IPCEF1: variants seen among roughly 807,000 people sequenced by gnomAD.
IPCEF1 encodes the protein interaction protein for cytohesin exchange factors 1.
Under a neutral mutation model 50.9 loss-of-function variants are expected in IPCEF1, and 31 were observed. That is an observed-to-expected ratio of 0.61 (90% CI 0.46 to 0.82). The LOEUF (loss-of-function observed/expected upper bound fraction) is 0.82. Ranked by LOEUF, IPCEF1 falls within the 40% of genes least tolerant of loss-of-function variation. The probability of loss-of-function intolerance (pLI) is 0.00; values close to 1 mark genes in which losing one functional copy is unlikely to be tolerated. For synonymous variants in IPCEF1, 181 were observed against 192.0 expected (o/e 0.94, Z 0.47); for missense variants, 458 against 514.0 (o/e 0.89, Z 1.05).
At chr6:154,169,372 C>A (rs1321090172) in intron 10 of IPCEF1, among the ~76,000 whole-genome samples, 4 of 152,058 alleles carry the variant, frequency 2.6e-5, no homozygotes, top group African/African-American at 9.7e-5. Context: ...CACACACACA[C>A]AAAATATCAT....
At chr6:154,176,435 G>C (rs1190843713) in intron 10 of IPCEF1, among the ~76,000 whole-genome samples, 1 of 152,030 alleles carries the variant, frequency 6.6e-6, no homozygotes, top group Admixed American at 6.6e-5. Flanking sequence ...CATCATCTCA[G>C]CCCAAAATCT....
At chr6:154,243,683 T>G (rs1277484601) in intron 5 of IPCEF1, among the ~76,000 whole-genome samples, 2 of 152,228 alleles carry the variant, frequency 1.3e-5, no homozygotes, top group African/African-American at 2.4e-5. Flanking sequence ...CAGGGTGGTC[T>G]TAATTGTGTC....
At chr6:154,327,856 G>A (rs1783559442) in intron 1 of IPCEF1, among the ~76,000 whole-genome samples, 1 of 152,196 alleles carries the variant, frequency 6.6e-6, no homozygotes, top group East Asian at 1.9e-4. Context: ...TAAAGAAAAT[G>A]TGGTCCATAT....
At chr6:154,202,425 C>T (rs372112195) in intron 9 of IPCEF1, among the ~76,000 whole-genome samples, 12 of 152,122 alleles carry the variant, frequency 7.9e-5, no homozygotes, top group Admixed American at 5.9e-4. Context: ...ATAGTTTACT[C>T]GTTAGCAGGA....
chr6:154,229,102 C>G (rs1024015602), intron 5 of IPCEF1, among the ~76,000 whole-genome samples: 1 of 152,192 alleles, frequency 6.6e-6, no homozygotes, highest in Non-Finnish European at 1.5e-5. Flanking sequence ...CAGGGGCGGC[C>G]CTCCCTTACA....
chr6:154,291,829 T>C (rs1175894240), intron 1 of IPCEF1, among the ~76,000 whole-genome samples: 3 of 151,742 alleles, frequency 2.0e-5, no homozygotes, highest in Non-Finnish European at 4.4e-5. Flanking sequence ...GGACTACAGG[T>C]GCCCACCACC....
intron 1 of IPCEF1, among the ~76,000 whole-genome samples, chr6:154,294,115 T>C (rs1037523847): frequency 6.6e-6 from 1 of 152,196 alleles, no homozygotes; most frequent in Non-Finnish European, 1.5e-5. Flanking sequence ...CTCCTAATTG[T>C]TATTAGTTAT....
At chr6:154,317,289 C>A (rs1488553034) in intron 1 of IPCEF1, among the ~76,000 whole-genome samples, 1 of 152,048 alleles carries the variant, frequency 6.6e-6, no homozygotes, top group African/African-American at 2.4e-5. Flanking sequence ...ATGGCTCACG[C>A]TTGTAATCCC....
chr6:154,308,569 T>C (rs1240517683), intron 1 of IPCEF1, among the ~76,000 whole-genome samples: 1 of 152,214 alleles, frequency 6.6e-6, no homozygotes, highest in East Asian at 1.9e-4. Context: ...TATATTAATT[T>C]CAGACATCCT....
At chr6:154,226,900 A>G (rs1216758612) in intron 5 of IPCEF1, among the ~76,000 whole-genome samples, 2 of 152,168 alleles carry the variant, frequency 1.3e-5, no homozygotes, top group African/African-American at 4.8e-5. Context: ...AAAACAAAGA[A>G]AAAACAATAC....
chr6:154,269,263 C>T (rs1177042388), intron 2 of IPCEF1, among the ~76,000 whole-genome samples: 2 of 152,254 alleles, frequency 1.3e-5, no homozygotes, highest in East Asian at 3.9e-4. Context: ...CATTAGAAAG[C>T]TCCTTCCCAA....
At chr6:154,274,580 A>G (rs1438931214) in intron 2 of IPCEF1, among the ~76,000 whole-genome samples, 1 of 152,226 alleles carries the variant, frequency 6.6e-6, no homozygotes, top group Non-Finnish European at 1.5e-5. Flanking sequence ...CCAAATGCCA[A>G]TGGCTATTGG....
intron 1 of IPCEF1, among the ~76,000 whole-genome samples, chr6:154,348,133 G>T (rs1334359300): frequency 3.9e-5 from 6 of 152,048 alleles, no homozygotes; most frequent in African/African-American, 1.4e-4. Flanking sequence ...TCCTCTCAAG[G>T]CAACTAATTT....
At chr6:154,315,832 TG>T (rs570496628) in intron 1 of IPCEF1, among the ~76,000 whole-genome samples, 1 of 147,354 alleles carries the variant, frequency 6.8e-6, no homozygotes, top group Non-Finnish European at 1.5e-5. Context: ...CAATTTTTTT[TG>T]GGGGGGAGCG....
At chr6:154,291,777 T>C (rs993786916) in intron 1 of IPCEF1, among the ~76,000 whole-genome samples, 2 of 142,324 alleles carry the variant, frequency 1.4e-5, no homozygotes, top group African/African-American at 5.3e-5. Flanking sequence ...CTCCGCCTCC[T>C]GGGTTCACGC....
chr6:154,296,116 C>T (rs1782650107), intron 1 of IPCEF1, among the ~76,000 whole-genome samples: 1 of 152,130 alleles, frequency 6.6e-6, no homozygotes, highest in African/African-American at 2.4e-5. Flanking sequence ...GCATACATTT[C>T]ATGAGGATAA....
chr6:154,253,144 C>A (rs1048528489), intron 3 of IPCEF1, among the ~76,000 whole-genome samples: 2 of 152,062 alleles, frequency 1.3e-5, no homozygotes, highest in African/African-American at 4.8e-5. Flanking sequence ...CTCTCATTCT[C>A]CTCACATTAC....
chr6:154,248,589 T>G (rs1041080141), intron 3 of IPCEF1, among the ~76,000 whole-genome samples: 2 of 152,146 alleles, frequency 1.3e-5, no homozygotes, highest in African/African-American at 2.4e-5. Flanking sequence ...TGATAGCTAT[T>G]GTATATGGTT....
At chr6:154,215,474 C>T (rs1222127204) in intron 7 of IPCEF1, among the ~76,000 whole-genome samples, 1 of 151,952 alleles carries the variant, frequency 6.6e-6, no homozygotes, top group African/African-American at 2.4e-5. Flanking sequence ...GGTGTGGTGG[C>T]GGAAGCCTGT....
Sources: allele counts gnomAD v4.1 joint callset (sites outside exome capture counted in the v4.1 genomes callset), GRCh38; gene constraint gnomAD v4.1.1; transcripts MANE v1.5; gene names NCBI Gene and HGNC (gene_info 2026-07-23, HGNC 2026-07-21).